LRRIQ1: variants seen among roughly 807,000 people sequenced by gnomAD.
LRRIQ1 encodes the protein leucine rich repeats and IQ motif containing 1.
A neutral mutation model predicts 211.9 loss-of-function variants in LRRIQ1; 210 were observed. The ratio of observed to expected loss-of-function variants is 0.99; its 90% confidence interval spans 0.89 to 1.11. The LOEUF (loss-of-function observed/expected upper bound fraction) is 1.11, where lower values mean the gene tolerates loss of function less well. Ranked by LOEUF, LRRIQ1 falls within the 50% of genes most tolerant of loss-of-function variation. The pLI is 0.00. For missense variants in LRRIQ1, 2,136 were observed against 1,939.5 expected (o/e 1.10, Z -1.90); for synonymous variants, 699 against 650.1 (o/e 1.08, Z -1.14).
intron 24 of LRRIQ1, 131 bp from the exon 25 acceptor site, chr12:85,229,386 T>C: frequency 3.1e-6 from 2 of 652,492 alleles, no homozygotes; most frequent in Non-Finnish European, 4.9e-6. Flanking sequence ...TTAGTTTTCT[T>C]ACAGATTTAG....
At chr12:85,119,255 A>G (rs1198728629) in intron 15 of LRRIQ1, among the ~76,000 whole-genome samples, 1 of 152,166 alleles carries the variant, frequency 6.6e-6, no homozygotes, top group Non-Finnish European at 1.5e-5. Context: ...TTGGAACAAT[A>G]TAGTATGTGA....
intron 19 of LRRIQ1, among the ~76,000 whole-genome samples, chr12:85,139,042 A>G (rs1889340404): frequency 6.6e-6 from 1 of 151,496 alleles, no homozygotes; most frequent in African/African-American, 2.4e-5. Context: ...CATCACAGCA[A>G]TGGAATTTCT....
At chr12:85,079,930 C>T (rs965158974) in intron 11 of LRRIQ1, among the ~76,000 whole-genome samples, 1 of 151,920 alleles carries the variant, frequency 6.6e-6, no homozygotes, top group Non-Finnish European at 1.5e-5. Context: ...TATAAACTTT[C>T]CATTGCTCTT....
At chr12:85,102,843 C>T (rs1886450252) in intron 13 of LRRIQ1, among the ~76,000 whole-genome samples, 1 of 149,108 alleles carries the variant, frequency 6.7e-6, no homozygotes, top group Non-Finnish European at 1.5e-5. Context: ...TTAATGCATA[C>T]TTATTTATTT....
chr12:85,118,875 G>A (rs1381491297), intron 15 of LRRIQ1, among the ~76,000 whole-genome samples: 1 of 151,818 alleles, frequency 6.6e-6, no homozygotes, highest in African/African-American at 2.4e-5. Flanking sequence ...TATTTTTAGA[G>A]TAGTCATAGG....
chr12:85,097,406 C>A (rs890446053), intron 11 of LRRIQ1, among the ~76,000 whole-genome samples: 6 of 151,796 alleles, frequency 4.0e-5, no homozygotes, highest in Non-Finnish European at 8.8e-5. Flanking sequence ...GTGCCCTCCC[C>A]CCTCACCCCA....
intron 24 of LRRIQ1, among the ~76,000 whole-genome samples, chr12:85,201,512 A>G (rs565534228): frequency 1.8e-4 from 27 of 152,108 alleles, no homozygotes; most frequent in African/African-American, 6.3e-4. Context: ...TAGTTCAGTC[A>G]TGGGTGGCTG....
At chr12:85,196,625 T>C (rs1305868569) in intron 24 of LRRIQ1, among the ~76,000 whole-genome samples, 1 of 152,156 alleles carries the variant, frequency 6.6e-6, no homozygotes, top group South Asian at 2.1e-4. Flanking sequence ...GCTAGCCATA[T>C]GTAGAAAGCT....
intron 24 of LRRIQ1, among the ~76,000 whole-genome samples, chr12:85,221,839 C>T (rs754072771): frequency 2.6e-5 from 4 of 152,054 alleles, no homozygotes; most frequent in Non-Finnish European, 4.4e-5. Flanking sequence ...GGAATTTAAC[C>T]TATGAGATGG....
chr12:85,216,694 C>G (rs1894106615), intron 24 of LRRIQ1, among the ~76,000 whole-genome samples: 1 of 151,734 alleles, frequency 6.6e-6, no homozygotes, highest in African/African-American at 2.4e-5. Flanking sequence ...ACCAATTATT[C>G]CTACCTGTAT....
chr12:85,271,130 T>C, the LRRIQ1 span, among the ~76,000 whole-genome samples: 1 of 152,184 alleles, frequency 6.6e-6, no homozygotes, highest in East Asian at 1.9e-4. Flanking sequence ...ATTTAAGAAA[T>C]AGTAGTACTA....
At chr12:85,062,062 G>A (rs923037581) in intron 8 of LRRIQ1, among the ~76,000 whole-genome samples, 3 of 151,778 alleles carry the variant, frequency 2.0e-5, no homozygotes, top group Admixed American at 6.6e-5. Context: ...GAAATGTTCC[G>A]TACAAAGAGG....
intron 26 of LRRIQ1, among the ~76,000 whole-genome samples, chr12:85,236,268 GTTAAA>G (rs571511862): frequency 3.3e-5 from 5 of 152,252 alleles, no homozygotes; most frequent in Admixed American, 3.3e-4. Flanking sequence ...AGTTGACTCT[GTTAAA>G]TTAAATATCT....
intron 24 of LRRIQ1, among the ~76,000 whole-genome samples, chr12:85,163,185 T>C (rs1890985505): frequency 6.6e-6 from 1 of 152,202 alleles, no homozygotes; most frequent in South Asian, 2.1e-4. Flanking sequence ...TCTTCTGAGA[T>C]ACAACTTTAT....
rs1565794403 is a variant in LRRIQ1, at chr12:85,057,060, T to C, written c.2267T>C (p.Phe756Ser). ...IKSFKPWLEI[F>S]KQNQQKKIVR... Reference sequence around the variant, plus strand: ...TCATTTAAACCTTGGCTTGAAATTTTCAAGCAAAATCAACAAAAGAAAATT... The same window carrying C: ...TCATTTAAACCTTGGCTTGAAATTTCCAAGCAAAATCAACAAAAGAAAATT... Residue 756 changes from phenylalanine to serine, a missense_variant, in exon 8 of 27, where the codon TTC becomes TCC. Phe to Ser is a radical substitution (Grantham distance 155). Coordinates refer to ENST00000393217, the MANE Select transcript of LRRIQ1 (RefSeq NM_001079910.2). The C allele has an allele frequency of 4.4e-6, 7 of 1,609,014 alleles. No homozygotes were observed. Among genetic ancestry groups the C allele is most frequent in the Non-Finnish European group, 5.9e-6 (7 of 1,178,324 alleles).
chr12:85,219,829 T>C (rs1894316152), intron 24 of LRRIQ1, among the ~76,000 whole-genome samples: 1 of 152,146 alleles, frequency 6.6e-6, no homozygotes, highest in Admixed American at 6.6e-5. Flanking sequence ...AAATGGCTCT[T>C]ATAGAGTTAC....
At chr12:85,036,942 C>T (rs774663282) in intron 1 of LRRIQ1, among the ~76,000 whole-genome samples, 3 of 152,088 alleles carry the variant, frequency 2.0e-5, no homozygotes, top group African/African-American at 7.2e-5. Flanking sequence ...CATGACTGCA[C>T]GTCATATACA....
intron 7 of LRRIQ1, among the ~76,000 whole-genome samples, chr12:85,054,804 T>C (rs1271398769): frequency 6.6e-6 from 1 of 152,104 alleles, no homozygotes; most frequent in Non-Finnish European, 1.5e-5. Flanking sequence ...CTAGTTTATT[T>C]AATAGTTTGA....
chr12:85,085,908 A>G (rs911202289), intron 11 of LRRIQ1, among the ~76,000 whole-genome samples: 2 of 152,226 alleles, frequency 1.3e-5, no homozygotes, highest in Admixed American at 1.3e-4. Flanking sequence ...ATACAAGTGC[A>G]GATATCTTTT....
Sources: allele counts gnomAD v4.1 joint callset (sites outside exome capture counted in the v4.1 genomes callset), GRCh38; gene constraint gnomAD v4.1.1; transcripts MANE v1.5; gene names NCBI Gene and HGNC (gene_info 2026-07-23, HGNC 2026-07-21).